The following ADAMTSL1 variants were observed in gnomAD, a reference collection of about 807,000 sequenced individuals.
ADAMTSL1 encodes the protein ADAMTS-like protein 1.
Under a neutral mutation model 201.8 loss-of-function variants are expected in ADAMTSL1, and 126 were observed. The observed-to-expected ratio is 0.62, with a 90% CI of 0.54 to 0.72. ADAMTSL1 has a LOEUF of 0.72. ADAMTSL1 is among the 30% of genes least tolerant of loss of function. The pLI is 0.00. For synonymous variants in ADAMTSL1, 1,121 were observed against 903.4 expected (o/e 1.24, Z -4.32); for missense variants, 2,679 against 2,277.8 (o/e 1.18, Z -3.59).
At chr9:18,574,000 T>C (rs770296961) in intron 3 of ADAMTSL1, 30 bp from the exon 4 acceptor site, 4 of 1,589,414 alleles carry the variant, frequency 2.5e-6, no homozygotes, top group Non-Finnish European at 3.4e-6. Flanking sequence ...CTCCTAACCT[T>C]TGTATGTCCT....
intron 14 of ADAMTSL1, among the ~76,000 whole-genome samples, chr9:18,717,707 C>T (rs1488324569): frequency 6.6e-6 from 1 of 152,178 alleles, no homozygotes; most frequent in Non-Finnish European, 1.5e-5. Context: ...TGAAGAATGT[C>T]TCTTAGCAGT....
At chr9:18,327,983 C>G (rs1035461220) in intron 2 of ADAMTSL1, among the ~76,000 whole-genome samples, 3 of 151,994 alleles carry the variant, frequency 2.0e-5, no homozygotes, top group African/African-American at 7.3e-5. Context: ...GTAACATATA[C>G]TCTATTGTAA....
chr9:18,897,407 C>T (rs1829713059), intron 26 of ADAMTSL1, among the ~76,000 whole-genome samples: 1 of 152,188 alleles, frequency 6.6e-6, no homozygotes, highest in Non-Finnish European at 1.5e-5. Context: ...TCCCATCCCT[C>T]CTGACTGGGT....
intron 23 of ADAMTSL1, among the ~76,000 whole-genome samples, chr9:18,855,462 A>T (rs890754981): frequency 6.6e-6 from 1 of 152,200 alleles, no homozygotes; most frequent in South Asian, 2.1e-4. Flanking sequence ...ATCAAAGCAA[A>T]TCTTACAAAA....
chr9:18,000,870 C>T (rs1309685307), intron 1 of ADAMTSL1, among the ~76,000 whole-genome samples: 2 of 151,958 alleles, frequency 1.3e-5, no homozygotes, highest in Admixed American at 1.3e-4. Flanking sequence ...ACAACTTTAA[C>T]CAACATTAAC....
chr9:18,450,353 T>G (rs779720258), intron 2 of ADAMTSL1, among the ~76,000 whole-genome samples: 2 of 152,162 alleles, frequency 1.3e-5, no homozygotes, highest in Non-Finnish European at 2.9e-5. Flanking sequence ...GTATTCAACT[T>G]ATACCTCAAT....
rs185671625 is a variant in ADAMTSL1, at chr9:18,409,674, G to A, written c.208-95155G>A. Among the ~76,000 whole-genome samples, 21 of 150,488 alleles carry A rather than the reference G, an allele frequency of 1.4e-4. No individual in the cohort carries two copies. In the East Asian group the frequency reaches 4.2e-3, roughly 30 times the overall value. The stretch of plus-strand genomic sequence containing the variant: ...CTATTATTCCCAGTTAAAACTCATG[G>A]TAGTCAGTTTTGGAGTCTTCAAACT... On this transcript the variant is annotated intron_variant, in intron 2 of 29. Coordinates refer to the ADAMTSL1 transcript ENST00000680146.
chr9:18,036,696 T>A (rs935124680), intron 1 of ADAMTSL1, among the ~76,000 whole-genome samples: 1 of 152,186 alleles, frequency 6.6e-6, no homozygotes, highest in African/African-American at 2.4e-5. Flanking sequence ...ATATCTTCGT[T>A]TGGTAAAGAC....
chr9:18,763,648 A>G (rs1295481894), intron 16 of ADAMTSL1, among the ~76,000 whole-genome samples: 2 of 151,932 alleles, frequency 1.3e-5, no homozygotes, highest in African/African-American at 4.8e-5. Context: ...AATTCATTTT[A>G]TTTAATTTTT....
At chr9:18,155,535 T>G (rs1266626915) in intron 1 of ADAMTSL1, among the ~76,000 whole-genome samples, 1 of 152,092 alleles carries the variant, frequency 6.6e-6, no homozygotes, top group African/African-American at 2.4e-5. Flanking sequence ...ATTTGTAAAC[T>G]TTCTTAGAAC....
intron 2 of ADAMTSL1, among the ~76,000 whole-genome samples, chr9:18,443,895 A>G (rs1438542797): frequency 3.3e-5 from 5 of 152,220 alleles, no homozygotes; most frequent in African/African-American, 1.2e-4. Flanking sequence ...GACCTAAACC[A>G]TAAAGTAGTA....
At chr9:18,032,491 G>C (rs1373391521) in intron 1 of ADAMTSL1, among the ~76,000 whole-genome samples, 2 of 152,166 alleles carry the variant, frequency 1.3e-5, no homozygotes, top group African/African-American at 4.8e-5. Context: ...CAGCCAGGTA[G>C]GCAGTTTTGG....
At chr9:18,530,130 G>A (rs1819349648) in intron 2 of ADAMTSL1, among the ~76,000 whole-genome samples, 1 of 152,014 alleles carries the variant, frequency 6.6e-6, no homozygotes. Flanking sequence ...TAATCCCTTG[G>A]CATTTGAACA....
intron 2 of ADAMTSL1, among the ~76,000 whole-genome samples, chr9:18,265,679 T>C (rs1282521971): frequency 6.6e-6 from 1 of 152,134 alleles, no homozygotes; most frequent in Non-Finnish European, 1.5e-5. Context: ...TGCTAACTAT[T>C]GTACTCATAT....
intron 1 of ADAMTSL1, among the ~76,000 whole-genome samples, chr9:18,094,511 C>T (rs1019043222): frequency 4.6e-5 from 7 of 152,176 alleles, no homozygotes; most frequent in Admixed American, 2.6e-4. Flanking sequence ...TGTATGGCAT[C>T]TGTGAGCCAC....
chr9:18,428,689 G>A (rs946289829), intron 2 of ADAMTSL1, among the ~76,000 whole-genome samples: 2 of 152,128 alleles, frequency 1.3e-5, no homozygotes, highest in Non-Finnish European at 2.9e-5. Flanking sequence ...GGCAAATTGT[G>A]CTACATATAA....
intron 3 of ADAMTSL1, among the ~76,000 whole-genome samples, chr9:18,546,392 ACCTCAAACTCC>A (rs1820468883): frequency 6.6e-6 from 1 of 152,004 alleles, no homozygotes; most frequent in Non-Finnish European, 1.5e-5. Context: ...GCTCACTATA[ACCTCAAACTCC>A]TGGACTCAAG....
At chr9:18,220,038 C>T (rs1830198554) in intron 2 of ADAMTSL1, among the ~76,000 whole-genome samples, 1 of 151,814 alleles carries the variant, frequency 6.6e-6, no homozygotes, top group Admixed American at 6.6e-5. Context: ...GCTACCTTGG[C>T]CTAGAGTATG....
rs201114526 is a variant in ADAMTSL1 at position 18,681,835 on chromosome 9, C to T, written c.1365C>T (p.Gly455=). 1.4e-5 allele frequency: 22 copies of T among 1,613,500 alleles called. No individual in the cohort carries two copies. In the East Asian group the frequency reaches 4.7e-4, roughly 34 times the overall value. Residue 455 remains glycine (G), a synonymous_variant, in exon 12 of 29, where the codon GGC becomes GGT. Coordinates refer to ENST00000380548, the MANE Select transcript of ADAMTSL1 (RefSeq NM_001040272.6). ...WSPCTVTCGQ[G]LRYRVVLCID... Reference sequence around the variant, plus strand: ...AGTGCACAGTGACATGTGGCCAGGGCCTCAGATACCGTGTGGTCCTCTGCA... The same window carrying T: ...AGTGCACAGTGACATGTGGCCAGGGTCTCAGATACCGTGTGGTCCTCTGCA...
Sources: gnomAD v4.1 joint callset for allele counts (sites outside exome capture counted in the v4.1 genomes callset) on GRCh38, gnomAD v4.1.1 for gene constraint, MANE v1.5 for transcripts, NCBI Gene and HGNC (gene_info 2026-07-23, HGNC 2026-07-21) for gene names.